The following CCBE1 variants were observed in gnomAD, a reference collection of about 807,000 sequenced individuals.
CCBE1 encodes the protein collagen and calcium-binding EGF domain-containing protein 1.
CCBE1 carries 37 observed loss-of-function variants against 50.0 expected under a neutral mutation model. The ratio of observed to expected loss-of-function variants is 0.74; its 90% CI spans 0.57 to 0.97. The LOEUF is 0.97. CCBE1 is among the 50% of genes least tolerant of loss of function. CCBE1 has a pLI of 0.00. For synonymous variants in CCBE1, 234 were observed against 203.7 expected, an observed-to-expected ratio of 1.15 and a Z score of -1.27; for missense variants, 538 against 523.8, an observed-to-expected ratio of 1.03 and a Z score of -0.26.
At chr18:59,455,902 T>C (rs1227546094) in intron 5 of CCBE1, among the ~76,000 whole-genome samples, 1 of 152,258 alleles carries the variant, frequency 6.6e-6, no homozygotes, top group African/African-American at 2.4e-5. Flanking sequence ...GTTTGCTCTT[T>C]GTGTGACATA....
intron 2 of CCBE1, chr18:59,686,080 T>G (rs1449177242): frequency 6.6e-6 from 1 of 152,256 alleles, no homozygotes; most frequent in Middle Eastern, 3.2e-3. Flanking sequence ...ATCTCCATTA[T>G]TCTTCAATGA....
chr18:59,650,650 C>T (rs2054115035), intron 2 of CCBE1, among the ~76,000 whole-genome samples: 1 of 151,298 alleles, frequency 6.6e-6, no homozygotes, highest in African/African-American at 2.4e-5. Flanking sequence ...CATTCCAGAA[C>T]CGCACTTCTC....
chr18:59,530,035 A>T (rs1484388707), intron 2 of CCBE1, among the ~76,000 whole-genome samples: 1 of 152,212 alleles, frequency 6.6e-6, no homozygotes, highest in Non-Finnish European at 1.5e-5. Context: ...GTAAGGATCA[A>T]GAATCTGCAT....
intron 2 of CCBE1, among the ~76,000 whole-genome samples, chr18:59,485,651 C>T (rs909675072): frequency 2.0e-5 from 3 of 151,034 alleles, no homozygotes; most frequent in Admixed American, 2.0e-4. Context: ...TGCTCTGTTG[C>T]ACAGGCTGGA....
chr18:59,680,029 C>T (rs1241374711), intron 2 of CCBE1, among the ~76,000 whole-genome samples: 2 of 151,874 alleles, frequency 1.3e-5, no homozygotes, highest in African/African-American at 4.8e-5. Context: ...GAGACCAACT[C>T]GGACAACATG....
chr18:59,696,491 G>A, intron 2 of CCBE1, 138 bp downstream of exon 2: 1 of 1,533,424 alleles, frequency 6.5e-7, no homozygotes, highest in Non-Finnish European at 8.8e-7. Flanking sequence ...TTCGCACCGC[G>A]CGGCACGCAC....
intron 2 of CCBE1, among the ~76,000 whole-genome samples, chr18:59,554,458 A>T (rs1916038593): frequency 6.6e-6 from 1 of 152,238 alleles, no homozygotes; most frequent in African/African-American, 2.4e-5. Context: ...AAACTAGATT[A>T]TGCAGCACAG....
At chr18:59,647,156 G>T (rs1160612925) in intron 2 of CCBE1, among the ~76,000 whole-genome samples, 1 of 152,040 alleles carries the variant, frequency 6.6e-6, no homozygotes, top group African/African-American at 2.4e-5. Context: ...TTTACATTTG[G>T]TTTCATTTCT....
intron 2 of CCBE1, among the ~76,000 whole-genome samples, chr18:59,598,140 C>G (rs554495564): frequency 6.6e-6 from 1 of 152,164 alleles, no homozygotes; most frequent in Non-Finnish European, 1.5e-5. Flanking sequence ...TCAGCAGAGA[C>G]GACAGAGAGC....
intron 2 of CCBE1, among the ~76,000 whole-genome samples, chr18:59,524,196 C>G (rs908169982): frequency 6.6e-6 from 1 of 152,032 alleles, no homozygotes; most frequent in South Asian, 2.1e-4. Context: ...GGTACATGCC[C>G]GTAATCCCAG....
chr18:59,623,896 T>C (rs1384845095), intron 2 of CCBE1, among the ~76,000 whole-genome samples: 2 of 152,254 alleles, frequency 1.3e-5, no homozygotes, highest in South Asian at 2.1e-4. Flanking sequence ...AGCTCCTCAC[T>C]TTGGGAGAGA....
At chr18:59,649,883 GCT>G (rs1424158875) in intron 2 of CCBE1, among the ~76,000 whole-genome samples, 1 of 152,214 alleles carries the variant, frequency 6.6e-6, no homozygotes, top group Non-Finnish European at 1.5e-5. Context: ...CTGGCCTGGA[GCT>G]CTGAGCCTTG....
chr18:59,433,300 A>G lies in CCBE1; in HGVS notation c.*2608T>C, dbSNP rs1385395999. 6.6e-6 allele frequency: 1 copy of G among 150,644 alleles called. No homozygotes were observed. The highest frequency in any genetic ancestry group is 6.6e-5 in the Admixed American group (1 of 15,118). The allele number at this position is 150,644 out of a possible 1,614,324, so 9.3% of individuals were successfully genotyped here. On this transcript the variant is annotated 3_prime_UTR_variant, in exon 11 of 11. Transcript: ENST00000439986. ...TTTTTTTTAGGGATGGGGTCTTGCT[A>G]TGTTGCCCAGACTGGCCTTGAACTC...
chr18:59,666,829 G>A (rs1362068701), intron 2 of CCBE1, among the ~76,000 whole-genome samples: 1 of 152,236 alleles, frequency 6.6e-6, no homozygotes, highest in East Asian at 1.9e-4. Context: ...GCTGGGTGTG[G>A]TGGTGCGTGC....
At chr18:59,495,756 A>C (rs576642040) in intron 2 of CCBE1, among the ~76,000 whole-genome samples, 43 of 152,264 alleles carry the variant, frequency 2.8e-4, no homozygotes, top group African/African-American at 1.0e-3. Flanking sequence ...TGGCACGCAC[A>C]GTAAGTTCGG....
In CCBE1 at chr18:59,571,669, A is replaced by G. The variant is rs550680732; in HGVS notation, c.213-91431T>C. ...TTATAGTAGTCCCATTAAGTACTAAAATGAATAAATGAATAAACATATGGA... is the reference window on the plus strand; with the variant it reads ...TTATAGTAGTCCCATTAAGTACTAAGATGAATAAATGAATAAACATATGGA... On this transcript the variant is annotated intron_variant, in intron 2 of 10. Coordinates refer to ENST00000439986, the MANE Select transcript of CCBE1 (RefSeq NM_133459.4). Among the ~76,000 whole-genome samples the G allele has an allele frequency of 2.0e-5, 3 of 152,380 alleles. No individual in the cohort carries two copies. The South Asian group carries it at 6.2e-4, about 32-fold the overall frequency.
chr18:59,560,111 G>A (rs1223087478), intron 2 of CCBE1, among the ~76,000 whole-genome samples: 1 of 152,242 alleles, frequency 6.6e-6, no homozygotes, highest in Non-Finnish European at 1.5e-5. Flanking sequence ...GGGATGACAA[G>A]GCTGGAACAG....
At chr18:59,563,314 C>A (rs1339998386) in intron 2 of CCBE1, among the ~76,000 whole-genome samples, 1 of 152,216 alleles carries the variant, frequency 6.6e-6, no homozygotes, top group African/African-American at 2.4e-5. Flanking sequence ...ATTAGTTTTT[C>A]TTGATTTTTT....
In CCBE1 at chr18:59,464,458, G is replaced by C. The variant is rs150003576; in HGVS notation, c.553+2281C>G. ...CTCAAAAACAAAACAAAACAAAAAAGTGGTCTGTAAATGTTACTTTTCTCC... is the reference window on the plus strand; with the variant it reads ...CTCAAAAACAAAACAAAACAAAAAACTGGTCTGTAAATGTTACTTTTCTCC... On this transcript the variant is annotated intron_variant, in intron 5 of 10. Transcript: ENST00000439986. Among the ~76,000 whole-genome samples the C allele has an allele frequency of 2.7e-3, 404 of 152,242 alleles. 2 individuals are homozygous for C. Among genetic ancestry groups the C allele is most frequent in the Non-Finnish European group, 4.9e-3 (332 of 68,006 alleles).
Sources: gnomAD v4.1 joint callset for allele counts (sites outside exome capture counted in the v4.1 genomes callset) on GRCh38, gnomAD v4.1.1 for gene constraint, MANE v1.5 for transcripts, NCBI Gene and HGNC (gene_info 2026-07-23, HGNC 2026-07-21) for gene names.